Variants in LRP2 observed in about 807,000 individuals in gnomAD.
LRP2 encodes low-density lipoprotein receptor-related protein 2.
LRP2 carries 172 observed loss-of-function variants against 531.0 expected under a neutral mutation model. The observed-to-expected ratio is 0.32, with a 90% CI of 0.29 to 0.37. The LOEUF (loss-of-function observed/expected upper bound fraction) is 0.37, where lower values mean the gene tolerates loss of function less well. Among genes scored for constraint, LRP2 ranks in the 10% least tolerant of loss-of-function variants. LRP2 has a pLI of 1.00. For synonymous variants in LRP2, 1,992 were observed against 2,027.6 expected (o/e 0.98, Z 0.47); for missense variants, 5,167 against 5,868.3 (o/e 0.88, Z 3.90).
chr2:169,173,015 C>CGGTGCGG, intron 57 of LRP2, 81 bp downstream of exon 57: 1 of 1,399,860 alleles, frequency 7.1e-7, no homozygotes, highest in Non-Finnish European at 1.0e-6. Flanking sequence ...GGGAAATACA[C>CGGTGCGG]TCTCATCTCT....
chr2:169,294,937 G>A (rs540364076), intron 4 of LRP2, among the ~76,000 whole-genome samples: 129 of 152,254 alleles, frequency 8.5e-4, no homozygotes, highest in Admixed American at 1.4e-3. Context: ...ACTGGGATAA[G>A]TGCTAATGTG....
At chr2:169,199,588 A>G (rs1207048630) in intron 44 of LRP2, among the ~76,000 whole-genome samples, 7 of 152,224 alleles carry the variant, frequency 4.6e-5, no homozygotes, top group Admixed American at 1.3e-4. Flanking sequence ...TTGTACAAAT[A>G]AAATCAATAA....
Position 169,188,080 on chromosome 2 carries a change from G to T in LRP2, c.9218C>A (p.Pro3073His), listed in dbSNP as rs753706458. Residue 3073 changes from proline to histidine, a missense_variant, in exon 49 of 79, where the codon CCC becomes CAC. This residue lies in a region of LRP2 where 1,129 missense variants were observed against 1,362.7 expected (regional missense o/e 0.83). Transcript: ENST00000649046. ...CTTGAACTCGTGAGGTGGACACGTG[G>T]GTTCTGGGGTGTGGCACAGGTGCAT... is the stretch of plus-strand genomic sequence containing the variant. ...ELMHLCHTPEPTCPPHEFKCD... is the reference protein window; with the variant it reads ...ELMHLCHTPEHTCPPHEFKCD... The T allele has an allele frequency of 6.2e-7, 1 of 1,614,070 alleles. No individual in the cohort carries two copies. The highest frequency in any genetic ancestry group is 1.7e-5 in the Admixed American group (1 of 60,022).
chr2:169,267,179 G>C (rs1316726473), intron 16 of LRP2, among the ~76,000 whole-genome samples: 2 of 151,728 alleles, frequency 1.3e-5, no homozygotes, highest in African/African-American at 2.4e-5. Flanking sequence ...ATAAAGGAAA[G>C]GTGTTTGTTT....
In LRP2 at chr2:169,156,301, G is replaced by T. The variant is rs752766559; in HGVS notation, c.12124C>A (p.Arg4042Ser). The change falls in exon 65 of 79, where the codon CGC becomes AGC. Residue 4042 changes from arginine (R) to serine (S), a missense_variant. By Grantham distance (110) the Arg-to-Ser change is moderately radical (BLOSUM62 -1). Transcript: ENST00000649046. Reference sequence around the variant, plus strand: ...TCAGCTGCACATCGTTTTCCAGGGCGGTCACTCATAGACGTGAAGCCATCA... The same window carrying T: ...TCAGCTGCACATCGTTTTCCAGGGCTGTCACTCATAGACGTGAAGCCATCA... ...CADGFTSMSD[R>S]PGKRCAAEGS... The T allele has an allele frequency of 1.2e-6, 2 of 1,613,606 alleles. No individual in the cohort carries two copies. The highest frequency in any genetic ancestry group is 2.7e-5 in the African/African-American group (2 of 74,966).
chr2:169,333,421 C>T (rs1685317133), intron 1 of LRP2, among the ~76,000 whole-genome samples: 1 of 141,914 alleles, frequency 7.0e-6, no homozygotes, highest in Non-Finnish European at 1.5e-5. Context: ...ATGTGTGAAA[C>T]TAAGATGATG....
chr2:169,137,263 T>C lies in LRP2; in HGVS notation c.13620+129A>G, dbSNP rs944737797. The C allele has an allele frequency of 1.4e-5, 11 of 763,724 alleles. No individual in the cohort carries two copies. In the African/African-American group the frequency reaches 1.9e-4, roughly 13 times the overall value. 47.3% of individuals were successfully genotyped at this position (763,724 alleles called of 1,614,324 possible). A position where few individuals can be genotyped will look rare whatever the true frequency, so the allele number is the denominator to read the frequency against. ...GTCCTGTTCCTGCAGATAGGGCAGC[T>C]GCAGCATGGACCACTCACTATGCTT... On this transcript the variant is annotated intron_variant, in intron 76 of 78. Transcript: ENST00000649046.
chr2:169,273,350 G>C lies in LRP2; in HGVS notation c.1976-283C>G, dbSNP rs10515930. Among the ~76,000 whole-genome samples the C allele has an allele frequency of 0.052, 7,966 of 152,120 alleles. 410 individuals are homozygous for C. Among genetic ancestry groups the C allele is most frequent in the Admixed American group, 0.17 (2,564 of 15,250 alleles). Reference sequence around the variant, plus strand: ...CCAATAATTATGTCAGAGTATGTCTGCTATCCTCCATGATTAGAAATAATT... The same window carrying C: ...CCAATAATTATGTCAGAGTATGTCTCCTATCCTCCATGATTAGAAATAATT... On this transcript the variant is annotated intron_variant, in intron 14 of 78. Coordinates refer to ENST00000649046, the MANE Select transcript of LRP2 (RefSeq NM_004525.3).
chr2:169,331,400 G>A (rs1408187382), intron 1 of LRP2, among the ~76,000 whole-genome samples: 2 of 152,174 alleles, frequency 1.3e-5, no homozygotes, highest in East Asian at 3.8e-4. Context: ...CTTCCTGTTA[G>A]CCAGCATCAA....
chr2:169,354,767 T>C (rs1306130925), intron 1 of LRP2, among the ~76,000 whole-genome samples: 1 of 152,140 alleles, frequency 6.6e-6, no homozygotes, highest in Non-Finnish European at 1.5e-5. Flanking sequence ...ATTAATCCAA[T>C]AAGGTGTGAT....
At chr2:169,294,553 T>C (rs748551214) in intron 5 of LRP2, 47 bp downstream of exon 5, 9 of 1,367,672 alleles carry the variant, frequency 6.6e-6, no homozygotes, top group Admixed American at 1.7e-5. Context: ...CAAACCAGTA[T>C]AAACCAGCTT....
intron 18 of LRP2, 93 bp from the exon 19 acceptor site, chr2:169,256,329 C>G: frequency 1.1e-6 from 1 of 938,676 alleles, no homozygotes; most frequent in Middle Eastern, 2.8e-4. Flanking sequence ...GGTCAGTTGA[C>G]ACATTTATTA....
intron 1 of LRP2, among the ~76,000 whole-genome samples, chr2:169,347,253 T>A (rs1046878301): frequency 4.6e-5 from 7 of 152,200 alleles, no homozygotes; most frequent in Non-Finnish European, 7.3e-5. Flanking sequence ...TCCGAAGAAC[T>A]GACTTTAGTA....
chr2:169,265,838 G>A (rs892415320), intron 16 of LRP2, among the ~76,000 whole-genome samples: 5 of 151,926 alleles, frequency 3.3e-5, no homozygotes, highest in East Asian at 1.9e-4. Flanking sequence ...CCAGCACAGG[G>A]GAGTGGCAAA....
At chr2:169,344,958 A>G (rs1409340508) in intron 1 of LRP2, among the ~76,000 whole-genome samples, 1 of 152,194 alleles carries the variant, frequency 6.6e-6, no homozygotes, top group Non-Finnish European at 1.5e-5. Context: ...GAAACACTCT[A>G]ATTTGTCATC....
chr2:169,238,042 C>G (rs368643157), intron 27 of LRP2, 49 bp downstream of exon 27: 297 of 1,530,764 alleles, frequency 1.9e-4, no homozygotes, highest in Non-Finnish European at 2.5e-4. Flanking sequence ...GCAAACAGAC[C>G]CAAGACAGAG....
rs886055092 is a variant in LRP2, at chr2:169,290,982, T to C, written c.785A>G (p.Asp262Gly). 2 of 1,614,066 alleles carry C rather than the reference T, an allele frequency of 1.2e-6. No individual in the cohort carries two copies. Among genetic ancestry groups the C allele is most frequent in the Non-Finnish European group, 1.7e-6 (2 of 1,179,978 alleles). The change falls in exon 8 of 79, where the codon GAT (aspartate) becomes GGT (glycine). Residue 262 changes from aspartate to glycine, a missense_variant. Transcript: ENST00000649046. ...TTCTCTTGGGGAACATTTATGAACA[T>C]CATGAGGACCGCTTTCTGTGGGGGG... is the stretch of plus-strand genomic sequence containing the variant. ...DEDGCESGPH[D>G]VHKCSPREWS...
intron 54 of LRP2, among the ~76,000 whole-genome samples, chr2:169,176,085 T>C (rs541320013): frequency 7.0e-4 from 107 of 152,344 alleles, no homozygotes; most frequent in African/African-American, 2.5e-3. Flanking sequence ...TGAAATTCTA[T>C]TACTTCTAGG....
Position 169,174,003 on chromosome 2 carries a change from T to C in LRP2, c.10930A>G (p.Asn3644Asp), listed in dbSNP as rs1423898945. ...TCRPGQFRCA[N>D]GRCIPQAWKC... ...CAGGCCTGCGGGATGCAGCGGCCAT[T>C]AGCACACCGAAACTGGCCCGGCCGG... Residue 3644 changes from asparagine to aspartate, a missense_variant, in exon 56 of 79, where the codon AAT (asparagine) becomes GAT (aspartate). By Grantham distance (23) the Asn-to-Asp change is conservative. Transcript: ENST00000649046. The C allele has an allele frequency of 6.2e-7, 1 of 1,614,218 alleles. No homozygotes were observed.
Sources: gnomAD v4.1 joint callset for allele counts (sites outside exome capture counted in the v4.1 genomes callset) on GRCh38, gnomAD v4.1.1 for gene constraint, gnomAD v4.1.1 regional missense constraint, MANE v1.5 for transcripts, NCBI Gene and HGNC (gene_info 2026-07-23, HGNC 2026-07-21) for gene names.